The following PDE10A variants were observed in gnomAD, a reference collection of about 807,000 sequenced individuals.
The protein encoded by PDE10A is cAMP and cAMP-inhibited cGMP 3',5'-cyclic phosphodiesterase 10A.
Under a neutral mutation model 97.7 loss-of-function variants are expected in PDE10A, and 39 were observed. The observed-to-expected ratio is 0.40, with a 90% confidence interval of 0.31 to 0.52. PDE10A has a LOEUF of 0.52. PDE10A is among the 20% of genes least tolerant of loss of function. PDE10A has a pLI of 0.56. For missense variants in PDE10A, 731 were observed against 1,047.8 expected (o/e 0.70, Z 4.17); for synonymous variants, 371 against 376.8 (o/e 0.98, Z 0.18).
intron 1 of PDE10A, among the ~76,000 whole-genome samples, chr6:165,698,090 C>T (rs747663668): frequency 1.2e-4 from 18 of 152,168 alleles, no homozygotes; most frequent in Non-Finnish European, 2.5e-4. Context: ...TTCAACTTCT[C>T]ATCTTCCTAT....
At chr6:165,985,063 C>G (rs1785145219) in intron 1 of PDE10A, among the ~76,000 whole-genome samples, 2 of 152,210 alleles carry the variant, frequency 1.3e-5, no homozygotes, top group Non-Finnish European at 2.9e-5. Flanking sequence ...CTCTGCCCAG[C>G]TCGGCCCCTG....
Position 165,701,232 on chromosome 6 carries a change from C to A in PDE10A, c.-614-157664G>T, listed in dbSNP as rs536065798. 3.3e-5 allele frequency among the ~76,000 whole-genome samples: 5 copies of A among 152,336 alleles called. No individual in the cohort carries two copies. In the East Asian group the frequency reaches 9.6e-4, roughly 29 times the overall value. On this transcript the variant is annotated intron_variant, in intron 1 of 19. Coordinates refer to the PDE10A transcript ENST00000366882. ...AATAGGAAAGCCTGCCGAAGAGTGA[C>A]CTGTCCAGGCGACAATTGATAGAAA...
Position 165,450,371 on chromosome 6 carries a change from T to C in PDE10A, c.1024-9A>G. 6.7e-7 allele frequency: 1 copy of C among 1,485,732 alleles called. No individual in the cohort carries two copies. Among genetic ancestry groups the C allele is most frequent in the Non-Finnish European group, 9.2e-7 (1 of 1,085,186 alleles). The allele number at this position is 1,485,732 out of a possible 1,614,324, so 92.0% of individuals were successfully genotyped here. A position where few individuals can be genotyped will look rare whatever the true frequency, so the allele number is the denominator to read the frequency against. On this transcript the variant is annotated splice_polypyrimidine_tract_variant and intron_variant, in intron 3 of 21. Transcript: ENST00000539869. ...ATATTCGTATCTTGGTACTTTGGATTAAAAATAACAAAAATAAAAACAGAG... is the reference window on the plus strand; with the variant it reads ...ATATTCGTATCTTGGTACTTTGGATCAAAAATAACAAAAATAAAAACAGAG...
intron 2 of PDE10A, among the ~76,000 whole-genome samples, chr6:165,498,530 A>C (rs1232916887): frequency 6.6e-6 from 1 of 150,976 alleles, no homozygotes; most frequent in Non-Finnish European, 1.5e-5. Flanking sequence ...GTTGGAAAAA[A>C]AATCCCAGAA....
intron 1 of PDE10A, chr6:165,576,540 C>T (rs1211650289): frequency 1.4e-6 from 1 of 725,820 alleles, no homozygotes; most frequent in Non-Finnish European, 2.5e-6. Context: ...CCATTAGCTT[C>T]TAAACAAAAA....
intron 1 of PDE10A, among the ~76,000 whole-genome samples, chr6:165,820,621 G>A (rs1007731482): frequency 6.6e-6 from 1 of 152,198 alleles, no homozygotes; most frequent in African/African-American, 2.4e-5. Context: ...TCCTCCTGCA[G>A]GCAGGCAGGG....
At chr6:165,533,767 G>A (rs1451023307) in intron 2 of PDE10A, among the ~76,000 whole-genome samples, 4 of 152,074 alleles carry the variant, frequency 2.6e-5, no homozygotes, top group Non-Finnish European at 5.9e-5. Context: ...CTGGGAAATG[G>A]TTTTGCCACT....
intron 1 of PDE10A, among the ~76,000 whole-genome samples, chr6:165,970,965 T>A (rs900125345): frequency 1.3e-5 from 2 of 152,146 alleles, no homozygotes; most frequent in African/African-American, 4.8e-5. Flanking sequence ...CTGGCCAACA[T>A]GGCAAAGCCC....
At chr6:165,439,784 T>C (rs556247505) in intron 5 of PDE10A, among the ~76,000 whole-genome samples, 1 of 152,252 alleles carries the variant, frequency 6.6e-6, no homozygotes, top group South Asian at 2.1e-4. Context: ...AGCATTCAAA[T>C]TACAAAAATG....
chr6:165,861,651 A>T (rs1239831114), intron 1 of PDE10A, among the ~76,000 whole-genome samples: 1 of 151,818 alleles, frequency 6.6e-6, no homozygotes, highest in African/African-American at 2.4e-5. Context: ...TGGGAAGGGG[A>T]GCAGAGACCG....
At chr6:165,623,508 G>A (rs60619870) in intron 1 of PDE10A, among the ~76,000 whole-genome samples, 45,117 of 151,250 alleles carry the variant, frequency 0.3, 7,669 homozygotes, top group African/African-American at 0.48. Context: ...GAGAGAGAGA[G>A]AAAAAAAACA....
intron 16 of PDE10A, among the ~76,000 whole-genome samples, chr6:165,391,536 G>A (rs1451387440): frequency 6.6e-6 from 1 of 152,108 alleles, no homozygotes; most frequent in Non-Finnish European, 1.5e-5. Context: ...TCAACAGTAT[G>A]GGGTTCAATA....
intron 1 of PDE10A, among the ~76,000 whole-genome samples, chr6:165,799,434 A>C (rs185302557): frequency 6.7e-6 from 1 of 148,580 alleles, no homozygotes; most frequent in East Asian, 1.9e-4. Context: ...TTTGCCCCTC[A>C]CCTAAAAAGC....
upstream of PDE10A, among the ~76,000 whole-genome samples, chr6:165,663,965 A>AGC (rs1790425225): frequency 6.6e-6 from 1 of 152,192 alleles, no homozygotes. Context: ...GGAGCGCAAG[A>AGC]GCGCACACAG....
intron 1 of PDE10A, among the ~76,000 whole-genome samples, chr6:165,985,473 C>A (rs936747431): frequency 3.9e-5 from 6 of 152,310 alleles, no homozygotes; most frequent in African/African-American, 1.4e-4. Flanking sequence ...CACGTCTCTC[C>A]TTGAAATCAC....
intron 16 of PDE10A, among the ~76,000 whole-genome samples, chr6:165,390,952 T>C (rs1373394283): frequency 6.6e-6 from 1 of 152,204 alleles, no homozygotes; most frequent in Non-Finnish European, 1.5e-5. Flanking sequence ...GTGGTTTCCA[T>C]GTTATATGCT....
intron 1 of PDE10A, among the ~76,000 whole-genome samples, chr6:165,598,810 C>T (rs1191085046): frequency 6.6e-6 from 1 of 152,030 alleles, no homozygotes; most frequent in East Asian, 1.9e-4. Flanking sequence ...ACTAATAGCC[C>T]AGCACTGGGA....
chr6:165,751,389 T>C (rs1447941016), intron 1 of PDE10A, among the ~76,000 whole-genome samples: 1 of 152,136 alleles, frequency 6.6e-6, no homozygotes, highest in Non-Finnish European at 1.5e-5. Context: ...TCTGTAGGTG[T>C]GAGCTGGAAC....
intron 3 of PDE10A, among the ~76,000 whole-genome samples, chr6:165,452,167 G>A (rs1791344038): frequency 6.6e-6 from 1 of 152,192 alleles, no homozygotes; most frequent in Non-Finnish European, 1.5e-5. Flanking sequence ...GAATTAATGA[G>A]GAAACTGCTG....
Sources: gnomAD v4.1 joint callset for allele counts (sites outside exome capture counted in the v4.1 genomes callset) on GRCh38, gnomAD v4.1.1 for gene constraint, MANE v1.5 for transcripts, NCBI Gene and HGNC (gene_info 2026-07-23, HGNC 2026-07-21) for gene names.